The following MAF variants were observed in gnomAD, a reference collection of about 807,000 sequenced individuals.
MAF encodes the protein transcription factor Maf.
Under a neutral mutation model 22.0 loss-of-function variants are expected in MAF, and 10 were observed. The ratio of observed to expected loss-of-function variants is 0.45; its 90% CI spans 0.28 to 0.77. The LOEUF (loss-of-function observed/expected upper bound fraction) is 0.77, where lower values mean the gene tolerates loss of function less well. MAF is among the 30% of genes least tolerant of loss of function. The pLI, the probability that MAF is intolerant of heterozygous loss-of-function variation, is 0.12. For synonymous variants in MAF, 337 were observed against 255.8 expected (o/e 1.32, Z -3.03); for missense variants, 544 against 548.4 (o/e 0.99, Z 0.08).
the MAF span, among the ~76,000 whole-genome samples, chr16:79,513,426 A>G: frequency 5.2e-4 from 79 of 152,326 alleles, no homozygotes; most frequent in South Asian, 5.8e-3. Context: ...TGAGGATTTG[A>G]GATAATAGAC....
At chr16:79,337,501 G>A in the MAF span, among the ~76,000 whole-genome samples, 2 of 152,140 alleles carry the variant, frequency 1.3e-5, no homozygotes, top group African/African-American at 2.4e-5. Context: ...CTGGGAGGCG[G>A]AGGTTGCAGT....
chr16:79,473,979 G>A, the MAF span, among the ~76,000 whole-genome samples: 2 of 152,142 alleles, frequency 1.3e-5, no homozygotes, highest in Admixed American at 1.3e-4. Context: ...AATTACGGCA[G>A]GTAGTTTATT....
the MAF span, among the ~76,000 whole-genome samples, chr16:79,490,634 G>A: frequency 2.0e-5 from 3 of 151,898 alleles, no homozygotes; most frequent in Non-Finnish European, 4.4e-5. Context: ...ACTCACACAT[G>A]CATAAATATA....
At chr16:79,463,999 G>T in the MAF span, among the ~76,000 whole-genome samples, 1 of 151,896 alleles carries the variant, frequency 6.6e-6, no homozygotes, top group Non-Finnish European at 1.5e-5. Context: ...CGATAAAAAG[G>T]GCTTTTTGAG....
the MAF span, among the ~76,000 whole-genome samples, chr16:79,574,960 G>A: frequency 6.6e-6 from 1 of 151,700 alleles, no homozygotes; most frequent in Non-Finnish European, 1.5e-5. Flanking sequence ...GTAGATAACT[G>A]TGTCCCTGGG....
the MAF span, among the ~76,000 whole-genome samples, chr16:79,542,629 T>C: frequency 6.6e-6 from 1 of 152,184 alleles, no homozygotes; most frequent in Non-Finnish European, 1.5e-5. Flanking sequence ...CTGATGACCT[T>C]AGCAAAGCCG....
the MAF span, among the ~76,000 whole-genome samples, chr16:79,328,445 G>C: frequency 1.1e-3 from 173 of 152,266 alleles, 1 homozygote; most frequent in African/African-American, 4.1e-3. Flanking sequence ...CAGGTTCCTG[G>C]GAAACAATGG....
At chr16:79,500,342 C>G in the MAF span, among the ~76,000 whole-genome samples, 1 of 152,156 alleles carries the variant, frequency 6.6e-6, no homozygotes, top group Non-Finnish European at 1.5e-5. Flanking sequence ...ATGTTGTTGC[C>G]TACTAGGTGG....
the MAF span, among the ~76,000 whole-genome samples, chr16:79,464,787 T>A: frequency 6.6e-6 from 1 of 152,188 alleles, no homozygotes; most frequent in Non-Finnish European, 1.5e-5. Flanking sequence ...CTGACCCTGA[T>A]TCCAGAAAAT....
the MAF span, among the ~76,000 whole-genome samples, chr16:79,495,166 A>C: frequency 1.3e-5 from 2 of 152,186 alleles, no homozygotes; most frequent in Non-Finnish European, 1.5e-5. Context: ...TGGTGATAGA[A>C]TAGCAAAAGA....
At chr16:79,275,313 T>C in the MAF span, among the ~76,000 whole-genome samples, 1 of 152,172 alleles carries the variant, frequency 6.6e-6, no homozygotes, top group South Asian at 2.1e-4. Flanking sequence ...GCCATTGCAC[T>C]CCAGCCTGGG....
chr16:79,542,060 G>C, the MAF span, among the ~76,000 whole-genome samples: 2 of 152,158 alleles, frequency 1.3e-5, no homozygotes, highest in African/African-American at 2.4e-5. Flanking sequence ...AAGCTGGTTG[G>C]TCCCAGTTCT....
chr16:79,342,400 G>A, the MAF span, among the ~76,000 whole-genome samples: 1 of 152,218 alleles, frequency 6.6e-6, no homozygotes, highest in Non-Finnish European at 1.5e-5. Context: ...GGCAGTTAAA[G>A]GGGCTTGAAT....
the MAF span, among the ~76,000 whole-genome samples, chr16:79,514,960 C>T: frequency 3.3e-5 from 5 of 152,192 alleles, no homozygotes; most frequent in Non-Finnish European, 7.3e-5. Flanking sequence ...TTGATGTCTC[C>T]TTCATTAACT....
chr16:79,463,466 T>C, the MAF span, among the ~76,000 whole-genome samples: 5 of 152,210 alleles, frequency 3.3e-5, no homozygotes, highest in African/African-American at 9.6e-5. Context: ...CCATGTCTCA[T>C]ATAAACTGTG....
At chr16:79,217,718 G>C in the MAF span, among the ~76,000 whole-genome samples, 1 of 152,088 alleles carries the variant, frequency 6.6e-6, no homozygotes, top group Non-Finnish European at 1.5e-5. Flanking sequence ...TCCAAAGGTG[G>C]CCAGTTTCCA....
chr16:79,222,148 G>C, the MAF span, among the ~76,000 whole-genome samples: 2 of 152,032 alleles, frequency 1.3e-5, no homozygotes, highest in South Asian at 2.1e-4. Flanking sequence ...AAAGCCAGAA[G>C]ACCTACAAGC....
the MAF span, among the ~76,000 whole-genome samples, chr16:79,250,312 G>T: frequency 6.6e-6 from 1 of 152,120 alleles, no homozygotes; most frequent in African/African-American, 2.4e-5. Context: ...ATTCCCTATT[G>T]TGATTTTCAT....
At chr16:79,292,337 G>C in the MAF span, among the ~76,000 whole-genome samples, 2 of 152,188 alleles carry the variant, frequency 1.3e-5, no homozygotes, top group African/African-American at 4.8e-5. Flanking sequence ...GGGTGATGTA[G>C]CTGCAAGCCA....
Sources: allele counts gnomAD v4.1 joint callset (sites outside exome capture counted in the v4.1 genomes callset), GRCh38; gene constraint gnomAD v4.1.1; transcripts MANE v1.5; gene names NCBI Gene and HGNC (gene_info 2026-07-23, HGNC 2026-07-21).